The following OAS2 variants were observed in gnomAD, a reference collection of about 807,000 sequenced individuals.
OAS2 encodes the protein 2'-5'-oligoadenylate synthetase 2.
A neutral mutation model predicts 71.3 loss-of-function variants in OAS2; 67 were observed. The ratio of observed to expected loss-of-function variants is 0.94; its 90% confidence interval spans 0.77 to 1.15. The LOEUF (loss-of-function observed/expected upper bound fraction) is 1.15. OAS2 is among the 50% of genes most tolerant of loss of function. The pLI is 0.00. For missense variants in OAS2, 789 were observed against 822.5 expected (o/e 0.96, Z 0.50); for synonymous variants, 327 against 321.8 (o/e 1.02, Z -0.17).
At chr12:112,981,830 T>C (rs1241648237) in intron 1 of OAS2, among the ~76,000 whole-genome samples, 1 of 152,226 alleles carries the variant, frequency 6.6e-6, no homozygotes, top group African/African-American at 2.4e-5. Flanking sequence ...CAATATTAAT[T>C]CTTCCAATCC....
chr12:113,007,437 G>C (rs2044344183), intron 8 of OAS2, among the ~76,000 whole-genome samples: 1 of 152,312 alleles, frequency 6.6e-6, no homozygotes, highest in African/African-American at 2.4e-5. Flanking sequence ...AAATGCCTGG[G>C]CCCATAGCTG....
At position 112,978,689 on chromosome 12, in the gene OAS2, C is replaced by T. The variant is rs1354908811; in HGVS notation, c.81C>T (p.Tyr27=). ...GWFIQEYLKP[Y]EECQTLIDEM... ...TTATCCAGGAATACCTGAAGCCCTA[C>T]GAAGAATGTCAGACACTGATCGACG... The change falls in exon 1 of 10, where the codon TAC becomes TAT. Residue 27 remains tyrosine (Y), a synonymous_variant. Transcript: ENST00000392583. The surrounding 1 kb of genome is among the most constrained non-coding windows in gnomAD (Gnocchi z 4.2). 1 of 1,614,130 alleles carries T rather than the reference C, an allele frequency of 6.2e-7. No individual in the cohort carries two copies. The highest frequency in any genetic ancestry group is 8.5e-7 in the Non-Finnish European group (1 of 1,180,018).
chr12:113,003,080 C>T lies in OAS2; in HGVS notation c.1157C>T (p.Thr386Ile). The change falls in exon 6 of 10, where the codon ACA becomes ATA. Residue 386 changes from threonine (T) to isoleucine (I), a missense_variant. Thr to Ile is a moderately conservative substitution (Grantham distance 89, BLOSUM62 -1). Transcript: ENST00000392583. ...AAAGAAAACTGCTTCCGACAATCAA[C>T]AGCCAAGATCCAGATTGTCCGGGTG... ...FLKENCFRQS[T>I]AKIQIVRGGS... 3 of 1,614,144 alleles carry T rather than the reference C, an allele frequency of 1.9e-6. No individual in the cohort carries two copies. In the South Asian group the frequency reaches 3.3e-5, roughly 18 times the overall value.
chr12:112,983,396 T>G (rs1268193684), intron 1 of OAS2, among the ~76,000 whole-genome samples: 2 of 152,156 alleles, frequency 1.3e-5, no homozygotes, highest in South Asian at 2.1e-4. Flanking sequence ...CGGCTAATTT[T>G]GTATTTTTAG....
At chr12:112,985,530 T>C (rs978546497) in intron 1 of OAS2, among the ~76,000 whole-genome samples, 12 of 152,232 alleles carry the variant, frequency 7.9e-5, no homozygotes, top group African/African-American at 2.7e-4. Flanking sequence ...ATCTCTTTGT[T>C]GAGTTTCTCA....
intron 3 of OAS2, among the ~76,000 whole-genome samples, chr12:112,996,774 G>A (rs1248491074): frequency 6.6e-6 from 1 of 152,116 alleles, no homozygotes; most frequent in Non-Finnish European, 1.5e-5. Flanking sequence ...GAGGGAGGAG[G>A]AGGATGGGTG....
At chr12:112,982,537 T>C (rs1035846955) in intron 1 of OAS2, among the ~76,000 whole-genome samples, 15 of 152,148 alleles carry the variant, frequency 9.9e-5, no homozygotes, top group African/African-American at 3.6e-4. Flanking sequence ...CACTTGATCA[T>C]GTGTTATCTT....
chr12:112,991,772 AT>A (rs2044194860), intron 2 of OAS2, among the ~76,000 whole-genome samples: 1 of 152,124 alleles, frequency 6.6e-6, no homozygotes, highest in South Asian at 2.1e-4. Flanking sequence ...GGGCCCCAAG[AT>A]TTATTTTCCT....
At chr12:112,989,031 G>A (rs970338841) in intron 2 of OAS2, among the ~76,000 whole-genome samples, 3 of 152,184 alleles carry the variant, frequency 2.0e-5, no homozygotes, top group Non-Finnish European at 2.9e-5. Flanking sequence ...GGTACAGCTT[G>A]GTTGTATACG....
intron 8 of OAS2, among the ~76,000 whole-genome samples, chr12:113,007,451 T>A (rs554806372): frequency 4.6e-5 from 7 of 152,198 alleles, no homozygotes; most frequent in Non-Finnish European, 1.0e-4. Context: ...ATAGCTGGCA[T>A]GCAGTGGGTT....
intron 7 of OAS2, 114 bp downstream of exon 7, chr12:113,005,336 CAGCA>C: frequency 1.0e-6 from 1 of 1,001,714 alleles, no homozygotes. Context: ...TCCCTGGCCC[CAGCA>C]AGTGGCATTA....
intron 5 of OAS2, among the ~76,000 whole-genome samples, chr12:112,998,865 T>C (rs2044259112): frequency 1.3e-5 from 2 of 152,162 alleles, no homozygotes; most frequent in Non-Finnish European, 2.9e-5. Flanking sequence ...CTAGATCCCA[T>C]TTGAAAAGAC....
intron 3 of OAS2, among the ~76,000 whole-genome samples, chr12:112,997,085 T>C (rs544329085): frequency 2.6e-5 from 4 of 152,320 alleles, no homozygotes; most frequent in South Asian, 4.1e-4. Context: ...ACAAAACATC[T>C]TTTGACTCTA....
chr12:113,010,287 G>A lies in OAS2; in HGVS notation c.*1032G>A. The A allele has an allele frequency of 6.6e-7, 1 of 1,504,816 alleles. No individual in the cohort carries two copies. Among genetic ancestry groups the A allele is most frequent in the Non-Finnish European group, 8.8e-7 (1 of 1,131,538 alleles). The allele number at this position is 1,504,816 out of a possible 1,614,324, so 93.2% of individuals were successfully genotyped here. ...GGCAATAGTTACCTTCCCAGATACA[G>A]GTCCCCCCTTTTTTCCCCTAACTCT... On this transcript the variant is annotated 3_prime_UTR_variant, in exon 10 of 10. Coordinates refer to ENST00000392583, the MANE Select transcript of OAS2 (RefSeq NM_002535.3).
At chr12:112,988,402 G>GT in intron 2 of OAS2, 2 of 322,680 alleles carry the variant, frequency 6.2e-6, no homozygotes, top group Non-Finnish European at 8.9e-6. Context: ...AAATGAAAGT[G>GT]AGGTACAGAA....
chr12:112,985,181 G>T (rs1159497918), intron 1 of OAS2, among the ~76,000 whole-genome samples: 1 of 151,934 alleles, frequency 6.6e-6, no homozygotes, highest in Non-Finnish European at 1.5e-5. Flanking sequence ...CCTGTATCTG[G>T]GTGTCTAAAT....
chr12:113,003,122 A>T lies in OAS2; in HGVS notation c.1179+20A>T. On this transcript the variant is annotated intron_variant, in intron 6 of 9. Coordinates refer to ENST00000392583, the MANE Select transcript of OAS2 (RefSeq NM_002535.3). ...GTCCGGGTGAGCACTGGCCTTTCTC[A>T]TGTCTTGTTGGAATGATGTAATATT... The T allele has an allele frequency of 6.2e-7, 1 of 1,612,296 alleles. No individual in the cohort carries two copies. Among genetic ancestry groups the T allele is most frequent in the Non-Finnish European group, 8.5e-7 (1 of 1,178,524 alleles).
intron 8 of OAS2, 61 bp downstream of exon 8, chr12:113,006,661 T>A: frequency 7.2e-7 from 1 of 1,392,380 alleles, no homozygotes. Context: ...CCATGAACAT[T>A]AAGCCCTGTT....
At chr12:112,988,827 T>C (rs1293763) in intron 2 of OAS2, 112,547 of 687,762 alleles carry the variant, frequency 0.16, 10,269 homozygotes, top group East Asian at 0.38. Flanking sequence ...CCTTGAATTC[T>C]TTCCTGCATG....
Sources: gnomAD v4.1 joint callset for allele counts (sites outside exome capture counted in the v4.1 genomes callset) on GRCh38, gnomAD v4.1.1 for gene constraint, Gnocchi (gnomAD v3.1) non-coding constraint, MANE v1.5 for transcripts, NCBI Gene and HGNC (gene_info 2026-07-23, HGNC 2026-07-21) for gene names.